The following CSRP1 variants were observed in gnomAD, a reference collection of about 807,000 sequenced individuals.
CSRP1 encodes the protein cysteine and glycine rich protein 1.
CSRP1 carries 16 observed loss-of-function variants against 25.4 expected under a neutral mutation model. That is an observed-to-expected ratio of 0.63 (90% confidence interval 0.43 to 0.96). The LOEUF (loss-of-function observed/expected upper bound fraction) is 0.96, where lower values mean the gene tolerates loss of function less well. Among genes scored for constraint, CSRP1 ranks in the 40% least tolerant of loss-of-function variants. The probability of loss-of-function intolerance (pLI) is 0.00; values close to 1 mark genes in which losing one functional copy is unlikely to be tolerated. For synonymous variants in CSRP1, 97 were observed against 95.3 expected (o/e 1.02, Z -0.10); for missense variants, 212 against 243.6 (o/e 0.87, Z 0.86).
chr1:201,500,778 C>T (rs1267372550), intron 1 of CSRP1, among the ~76,000 whole-genome samples: 1 of 152,246 alleles, frequency 6.6e-6, no homozygotes, highest in African/African-American at 2.4e-5. Context: ...CTGCCCTTCT[C>T]TCCAACAGCC....
chr1:201,496,645 C>A (rs760770974), intron 1 of CSRP1: 1 of 327,562 alleles, frequency 3.1e-6, no homozygotes, highest in Non-Finnish European at 5.8e-6. Context: ...CCTACCCCTA[C>A]ACACGTCAAC....
rs765299668 is a variant in CSRP1, at chr1:201,488,970, C to T, written c.296G>A (p.Arg99Lys). The change falls in exon 4 of 6, where the codon AGG becomes AAG. Residue 99 changes from arginine (R) to lysine (K), a missense_variant. By Grantham distance (26) the Arg-to-Lys change is conservative. Transcript: ENST00000340006. ...GGATGCATTGGGGTTGGTGGTGGGCCTGTGGCCAGGGGCTCTGCATGGAGA... is the reference window on the plus strand; with the variant it reads ...GGATGCATTGGGGTTGGTGGTGGGCTTGTGGCCAGGGGCTCTGCATGGAGA... ...GIKHEEAPGHRPTTNPNASKF... is the reference protein window; with the variant it reads ...GIKHEEAPGHKPTTNPNASKF... The T allele has an allele frequency of 4.3e-6, 7 of 1,613,986 alleles. No individual in the cohort carries two copies. The South Asian group carries it at 7.7e-5, about 18-fold the overall frequency.
At chr1:201,497,617 T>G (rs146252600) in intron 1 of CSRP1, among the ~76,000 whole-genome samples, 2 of 152,306 alleles carry the variant, frequency 1.3e-5, no homozygotes, top group East Asian at 1.9e-4. Flanking sequence ...GGCGTCCTGA[T>G]GCCATGCAGG....
intron 2 of CSRP1, among the ~76,000 whole-genome samples, chr1:201,494,221 C>T (rs548342895): frequency 9.2e-5 from 14 of 152,270 alleles, no homozygotes; most frequent in African/African-American, 3.4e-4. Context: ...CTTCCCTCAA[C>T]CCTCTGACCG....
At position 201,484,719 on chromosome 1, in the gene CSRP1, A is replaced by G. The variant is rs144563126; in HGVS notation, c.576T>C (p.Ser192=). 506 of 1,610,634 alleles carry G rather than the reference A, an allele frequency of 3.1e-4. 2 individuals are homozygous for G. Among genetic ancestry groups the G allele is most frequent in the Non-Finnish European group, 3.8e-4 (447 of 1,179,176 alleles). ...FGQGAGALVH[S]E ...GTGGTGGGTGATGGTGGCCTCACTC[A>G]GAGTGGACCAAGGCCCCAGCTCCTT... Residue 192 remains serine (S), a synonymous_variant, in exon 6 of 6, where the codon TCT becomes TCC. Coordinates refer to ENST00000340006, the MANE Select transcript of CSRP1 (RefSeq NM_004078.3).
At chr1:201,494,091 C>T (rs916282405) in intron 2 of CSRP1, among the ~76,000 whole-genome samples, 2 of 152,022 alleles carry the variant, frequency 1.3e-5, no homozygotes, top group Non-Finnish European at 2.9e-5. Context: ...CACCCCCGCA[C>T]CCCGCCAAGA....
intron 2 of CSRP1, chr1:201,490,570 C>T: frequency 4.0e-6 from 2 of 501,810 alleles, no homozygotes; most frequent in South Asian, 2.5e-5. Flanking sequence ...AACACCAATT[C>T]CTCTTCCAGG....
intron 1 of CSRP1, among the ~76,000 whole-genome samples, chr1:201,503,983 G>C (rs977170648): frequency 6.6e-6 from 1 of 152,182 alleles, no homozygotes; most frequent in Non-Finnish European, 1.5e-5. Context: ...CCGGAGGTCA[G>C]GAGTTCTAAC....
chr1:201,496,026 C>T (rs1245764570), intron 2 of CSRP1, 166 bp downstream of exon 2: 1 of 606,100 alleles, frequency 1.6e-6, no homozygotes, highest in Non-Finnish European at 2.9e-6. Flanking sequence ...CTGAACGGAA[C>T]AAAGAGGCCC....
intron 3 of CSRP1, chr1:201,489,290 T>C: frequency 4.4e-6 from 1 of 227,138 alleles, no homozygotes; most frequent in Non-Finnish European, 8.8e-6. Context: ...GCAGCTGGTC[T>C]ATTATCAGAT....
At chr1:201,505,122 CA>C (rs1157669624) in intron 1 of CSRP1, among the ~76,000 whole-genome samples, 1 of 151,798 alleles carries the variant, frequency 6.6e-6, no homozygotes, top group Non-Finnish European at 1.5e-5. Flanking sequence ...CAAAAAAGCC[CA>C]AAAAAAACCT....
At position 201,484,286 on chromosome 1, in the gene CSRP1, C is replaced by T. The variant is rs1169986855; in HGVS notation, c.*427G>A. ...GAGAATCTCTGAGATCCAAAAAACC[C>T]AGCCTTCCCCCCTCCTCATCTTGGT... On this transcript the variant is annotated 3_prime_UTR_variant, in exon 6 of 6. Transcript: ENST00000340006. 1 of 511,682 alleles carries T rather than the reference C, an allele frequency of 2.0e-6. No individual in the cohort carries two copies. The highest frequency in any genetic ancestry group is 2.8e-5 in the East Asian group (1 of 35,124). 31.7% of individuals were successfully genotyped at this position (511,682 alleles called of 1,614,324 possible). A position where few individuals can be genotyped will look rare whatever the true frequency, so the allele number is the denominator to read the frequency against.
At chr1:201,502,141 A>G (rs1664691614) in intron 1 of CSRP1, among the ~76,000 whole-genome samples, 1 of 152,148 alleles carries the variant, frequency 6.6e-6, no homozygotes, top group South Asian at 2.1e-4. Context: ...CTTCAAAACC[A>G]TCCCATATCT....
chr1:201,484,703 G>T lies in CSRP1; in HGVS notation c.*10C>A. The T allele has an allele frequency of 7.5e-6, 12 of 1,608,546 alleles. No homozygotes were observed. Among genetic ancestry groups the T allele is most frequent in the Non-Finnish European group, 1.0e-5 (12 of 1,178,100 alleles). On this transcript the variant is annotated 3_prime_UTR_variant, in exon 6 of 6. Transcript: ENST00000340006. ...CAGGAGTGGGCAGGGTGTGGTGGGTGATGGTGGCCTCACTCAGAGTGGACC... is the reference window on the plus strand; with the variant it reads ...CAGGAGTGGGCAGGGTGTGGTGGGTTATGGTGGCCTCACTCAGAGTGGACC...
intron 2 of CSRP1, among the ~76,000 whole-genome samples, chr1:201,493,822 G>A (rs1664415691): frequency 6.6e-6 from 1 of 152,222 alleles, no homozygotes; most frequent in Admixed American, 6.5e-5. Flanking sequence ...ACCCTGAATG[G>A]GGTGAACACT....
chr1:201,483,829 A>G lies in CSRP1; in HGVS notation c.*884T>C, dbSNP rs985973092. 9 of 544,952 alleles carry G rather than the reference A, an allele frequency of 1.7e-5. No homozygotes were observed. Among genetic ancestry groups the G allele is most frequent in the Non-Finnish European group, 3.0e-5 (9 of 299,352 alleles). 33.8% of individuals were successfully genotyped at this position (544,952 alleles called of 1,614,324 possible). On this transcript the variant is annotated 3_prime_UTR_variant, in exon 6 of 6. Coordinates refer to ENST00000340006, the MANE Select transcript of CSRP1 (RefSeq NM_004078.3). ...AAGGTGTTTGGATGAAGACTGAGGC[A>G]GTGCCTACCTCCCTCCACATCTGAG...
chr1:201,499,220 A>G (rs1338309842), intron 1 of CSRP1, among the ~76,000 whole-genome samples: 1 of 152,250 alleles, frequency 6.6e-6, no homozygotes. Context: ...AACAGCAATC[A>G]GCAATGTGTG....
intron 1 of CSRP1, among the ~76,000 whole-genome samples, chr1:201,502,782 GTC>G (rs1557977420): frequency 6.6e-6 from 1 of 152,110 alleles, no homozygotes; most frequent in Non-Finnish European, 1.5e-5. Context: ...GGCGGTATAT[GTC>G]TCTCCCTTTC....
chr1:201,500,458 G>A (rs1396288848), intron 1 of CSRP1, among the ~76,000 whole-genome samples: 1 of 152,284 alleles, frequency 6.6e-6, no homozygotes, highest in Non-Finnish European at 1.5e-5. Context: ...GGACCTGCCA[G>A]TAAGGAAAAT....
Sources: allele counts gnomAD v4.1 joint callset (sites outside exome capture counted in the v4.1 genomes callset), GRCh38; gene constraint gnomAD v4.1.1; transcripts MANE v1.5; gene names NCBI Gene and HGNC (gene_info 2026-07-23, HGNC 2026-07-21).